TNS1: variants seen among roughly 807,000 people sequenced by gnomAD.
TNS1 encodes tensin-1.
A neutral mutation model predicts 168.6 loss-of-function variants in TNS1; 62 were observed. The observed-to-expected ratio is 0.37, with a 90% CI of 0.30 to 0.45. The LOEUF (loss-of-function observed/expected upper bound fraction) is 0.45. Ranked by LOEUF, TNS1 falls within the 20% of genes least tolerant of loss-of-function variation. The pLI is 1.00. For synonymous variants in TNS1, 934 were observed against 933.2 expected (o/e 1.00, Z -0.02); for missense variants, 2,240 against 2,339.4 (o/e 0.96, Z 0.88).
At chr2:217,967,171 A>T (rs1243924433) in intron 3 of TNS1, among the ~76,000 whole-genome samples, 4 of 152,110 alleles carry the variant, frequency 2.6e-5, no homozygotes, top group Non-Finnish European at 5.9e-5. Context: ...TACAAAAAAA[A>T]TTAGCCAGGC....
At chr2:217,814,293 G>C (rs376753253) in intron 25 of TNS1, among the ~76,000 whole-genome samples, 28 of 152,236 alleles carry the variant, frequency 1.8e-4, no homozygotes, top group African/African-American at 6.7e-4. Context: ...TGGGATTATA[G>C]GTGTGCACCA....
At chr2:218,018,527 G>A (rs1343516305) in intron 1 of TNS1, among the ~76,000 whole-genome samples, 5 of 152,212 alleles carry the variant, frequency 3.3e-5, no homozygotes, top group South Asian at 4.1e-4. Flanking sequence ...CATGGGGAAC[G>A]AGGCCGCTTC....
intron 1 of TNS1, among the ~76,000 whole-genome samples, chr2:218,026,657 A>G (rs1958851552): frequency 6.6e-6 from 1 of 152,002 alleles, no homozygotes; most frequent in South Asian, 2.1e-4. Flanking sequence ...CCGTATCCCT[A>G]CCTCCCTCCA....
chr2:217,849,111 G>A, intron 18 of TNS1, 24 bp from the exon 19 acceptor site: 1 of 1,594,526 alleles, frequency 6.3e-7, no homozygotes, highest in Non-Finnish European at 8.6e-7. Flanking sequence ...AGCCGGAGGG[G>A]AGACAACAGA....
intron 30 of TNS1, 94 bp from the exon 31 acceptor site, chr2:217,808,765 C>G: frequency 8.6e-7 from 1 of 1,161,152 alleles, no homozygotes; most frequent in Non-Finnish European, 1.3e-6. Flanking sequence ...TTTCCACCAT[C>G]TGTGGCTATC....
intron 32 of TNS1, among the ~76,000 whole-genome samples, chr2:217,806,054 G>A (rs1007739968): frequency 6.6e-6 from 1 of 152,184 alleles, no homozygotes; most frequent in Non-Finnish European, 1.5e-5. Context: ...TTCCCAGCTG[G>A]CTCAGACCAT....
intron 32 of TNS1, among the ~76,000 whole-genome samples, chr2:217,805,770 CCACA>C (rs1162766612): frequency 2.1e-5 from 3 of 142,602 alleles, no homozygotes; most frequent in Non-Finnish European, 3.1e-5. Context: ...CCACACACCA[CCACA>C]CACACATACA....
At chr2:218,020,017 C>A (rs1008963218) in intron 1 of TNS1, among the ~76,000 whole-genome samples, 4 of 152,148 alleles carry the variant, frequency 2.6e-5, no homozygotes, top group Non-Finnish European at 5.9e-5. Context: ...GAAGTGGATC[C>A]TCCGGGTGCA....
In TNS1 at chr2:218,030,908, C is replaced by T. The variant is rs183788242; in HGVS notation, c.156+2912G>A. Among the ~76,000 whole-genome samples the T allele has an allele frequency of 2.2e-3, 334 of 151,846 alleles. 1 individual carries two copies. The highest frequency in any genetic ancestry group is 5.2e-3 in the Admixed American group (79 of 15,252). The stretch of plus-strand genomic sequence containing the variant: ...GTAAGCGTGTGTGTATGCATGTATG[C>T]GTGAGCATGGGTATGAGTGTGTGAG... On this transcript the variant is annotated intron_variant, in intron 1 of 1. Coordinates refer to the TNS1 transcript ENST00000649572.
chr2:217,979,611 G>A (rs1283444327), intron 2 of TNS1, among the ~76,000 whole-genome samples: 3 of 152,116 alleles, frequency 2.0e-5, no homozygotes, highest in Admixed American at 6.5e-5. Flanking sequence ...TAAGGTTCCC[G>A]AAGCCTGGAA....
chr2:218,026,427 G>A (rs754343886), intron 1 of TNS1, among the ~76,000 whole-genome samples: 2 of 152,184 alleles, frequency 1.3e-5, no homozygotes, highest in Non-Finnish European at 2.9e-5. Flanking sequence ...GATGGAACAC[G>A]AGAGTGACAG....
chr2:217,819,438 A>T (rs991959681), intron 23 of TNS1, among the ~76,000 whole-genome samples: 3 of 152,238 alleles, frequency 2.0e-5, no homozygotes, highest in Non-Finnish European at 4.4e-5. Flanking sequence ...AGAGGCTGAC[A>T]GACCTATTGG....
intron 2 of TNS1, among the ~76,000 whole-genome samples, chr2:217,980,767 C>T (rs560320412): frequency 4.5e-4 from 68 of 152,256 alleles, no homozygotes; most frequent in African/African-American, 1.6e-3. Context: ...GGGGCCGGGA[C>T]TCCACCTCCC....
intron 3 of TNS1, among the ~76,000 whole-genome samples, chr2:217,964,656 A>G (rs1957579239): frequency 6.6e-6 from 1 of 152,180 alleles, no homozygotes; most frequent in African/African-American, 2.4e-5. Context: ...TGAGTTCTGT[A>G]TGCAGACGAG....
chr2:217,983,066 A>G (rs1958096042), intron 2 of TNS1, among the ~76,000 whole-genome samples: 2 of 152,100 alleles, frequency 1.3e-5, no homozygotes, highest in African/African-American at 4.8e-5. Flanking sequence ...TGGGAACATC[A>G]GACACTGCTG....
At chr2:217,865,091 T>C (rs1313041751) in intron 18 of TNS1, among the ~76,000 whole-genome samples, 2 of 150,876 alleles carry the variant, frequency 1.3e-5, no homozygotes, top group African/African-American at 4.9e-5. Context: ...TGAGAGGTGG[T>C]TGTGAGCAGA....
At chr2:217,950,863 A>G (rs1957223810) in intron 3 of TNS1, among the ~76,000 whole-genome samples, 1 of 149,040 alleles carries the variant, frequency 6.7e-6, no homozygotes. Context: ...CTCACTTTCC[A>G]TCTCCCCGAG....
chr2:217,919,047 A>C (rs1955440168), intron 4 of TNS1, among the ~76,000 whole-genome samples: 1 of 152,214 alleles, frequency 6.6e-6, no homozygotes, highest in Non-Finnish European at 1.5e-5. Flanking sequence ...TAGAGTCCCA[A>C]GCACTTCTGT....
chr2:217,892,193 A>G (rs1951812775), intron 11 of TNS1, among the ~76,000 whole-genome samples: 1 of 152,150 alleles, frequency 6.6e-6, no homozygotes, highest in African/African-American at 2.4e-5. Context: ...CCTGCCTCCC[A>G]GATTCAAGGG....
Sources: allele counts gnomAD v4.1 joint callset (sites outside exome capture counted in the v4.1 genomes callset), GRCh38; gene constraint gnomAD v4.1.1; transcripts MANE v1.5; gene names NCBI Gene and HGNC (gene_info 2026-07-23, HGNC 2026-07-21).